Variants in MRTFB observed in about 807,000 individuals in gnomAD.
MRTFB encodes the protein myocardin related transcription factor B.
In MRTFB, 29 loss-of-function variants were observed where a neutral mutation model predicts 104.2. That is an observed-to-expected ratio of 0.28 (90% confidence interval 0.21 to 0.38). MRTFB has a LOEUF of 0.38. Among genes scored for constraint, MRTFB ranks in the 10% least tolerant of loss-of-function variants. MRTFB has a pLI of 1.00. For synonymous variants in MRTFB, 535 were observed against 519.5 expected, an observed-to-expected ratio of 1.03 and a Z score of -0.41; for missense variants, 1,270 against 1,341.6, an observed-to-expected ratio of 0.95 and a Z score of 0.83.
intron 4 of MRTFB, among the ~76,000 whole-genome samples, chr16:14,210,546 C>T (rs1222223292): frequency 6.6e-6 from 1 of 152,192 alleles, no homozygotes; most frequent in Non-Finnish European, 1.5e-5. Context: ...CACCTTTACA[C>T]TGTAATTAGG....
intron 10 of MRTFB, among the ~76,000 whole-genome samples, chr16:14,242,397 A>G (rs954668239): frequency 6.6e-6 from 1 of 152,236 alleles, no homozygotes; most frequent in African/African-American, 2.4e-5. Flanking sequence ...AGAAGGAGAA[A>G]GAACACTTAT....
the MRTFB span, among the ~76,000 whole-genome samples, chr16:14,052,781 G>A: frequency 2.7e-5 from 4 of 149,254 alleles, no homozygotes; most frequent in African/African-American, 9.8e-5. Context: ...ACAATAAATT[G>A]TTGTTAACCA....
At chr16:14,110,308 A>G (rs1411068801) in intron 2 of MRTFB, among the ~76,000 whole-genome samples, 1 of 152,220 alleles carries the variant, frequency 6.6e-6, no homozygotes, top group Admixed American at 6.5e-5. Flanking sequence ...AGTTTTTGAC[A>G]GTGCGAGTTT....
intron 3 of MRTFB, chr16:14,201,001 A>G (rs2040676555): frequency 6.9e-7 from 1 of 1,457,518 alleles, no homozygotes; most frequent in Non-Finnish European, 9.6e-7. Flanking sequence ...GCTTTGTTAC[A>G]TTGGGGAACA....
At chr16:14,066,562 C>T (rs919354806), upstream of MRTFB, among the ~76,000 whole-genome samples, 1 of 152,212 alleles carries the variant, frequency 6.6e-6, no homozygotes, top group African/African-American at 2.4e-5. Flanking sequence ...CATGAGCCAC[C>T]GTGCCCGGCC....
intron 3 of MRTFB, among the ~76,000 whole-genome samples, chr16:14,157,509 C>T (rs1431986473): frequency 1.3e-5 from 2 of 152,160 alleles, no homozygotes; most frequent in African/African-American, 4.8e-5. Flanking sequence ...TTCACAGGGC[C>T]ACCCCTTACT....
At chr16:14,171,905 A>C (rs1471027891) in intron 3 of MRTFB, among the ~76,000 whole-genome samples, 1 of 152,202 alleles carries the variant, frequency 6.6e-6, no homozygotes, top group Non-Finnish European at 1.5e-5. Context: ...TATATAGTCA[A>C]AATCTGTATT....
chr16:14,236,659 G>A (rs954891146), intron 9 of MRTFB, among the ~76,000 whole-genome samples: 1 of 152,172 alleles, frequency 6.6e-6, no homozygotes, highest in Non-Finnish European at 1.5e-5. Context: ...TCTATGGGAA[G>A]AAAATTTGAC....
At chr16:14,081,603 T>G (rs1010388321) in intron 2 of MRTFB, among the ~76,000 whole-genome samples, 4 of 151,710 alleles carry the variant, frequency 2.6e-5, no homozygotes, top group Admixed American at 1.3e-4. Context: ...TTTGTATGCT[T>G]CTTTTGAGAA....
intron 2 of MRTFB, among the ~76,000 whole-genome samples, chr16:14,085,895 C>T (rs1374524060): frequency 6.6e-6 from 1 of 152,108 alleles, no homozygotes; most frequent in African/African-American, 2.4e-5. Flanking sequence ...CATTTATTTT[C>T]CAACTCTGCT....
intron 3 of MRTFB, chr16:14,200,771 A>G: frequency 6.8e-7 from 1 of 1,471,118 alleles, no homozygotes; most frequent in Non-Finnish European, 9.5e-7. Context: ...GCTGTGGGTG[A>G]TACTTGCCTT....
rs567268098 is a variant in MRTFB, at chr16:14,080,665, A to G, written c.-64+1311A>G. On this transcript the variant is annotated intron_variant, in intron 2 of 16. Transcript: ENST00000571589. ...ACACCACCACCCCCACCTGCCCCCG[A>G]CCTTCTAACGCCTCTGGTAACCATC... 2.0e-5 allele frequency among the ~76,000 whole-genome samples: 3 copies of G among 152,054 alleles called. No homozygotes were observed. In the East Asian group the frequency reaches 5.8e-4, roughly 29 times the overall value.
intron 8 of MRTFB, among the ~76,000 whole-genome samples, chr16:14,226,582 A>T (rs2042012560): frequency 6.6e-6 from 1 of 152,218 alleles, no homozygotes; most frequent in Non-Finnish European, 1.5e-5. Context: ...AAACTCTTAG[A>T]AGAAAATGTA....
the MRTFB span, among the ~76,000 whole-genome samples, chr16:14,000,747 C>G: frequency 6.6e-6 from 1 of 152,170 alleles, no homozygotes; most frequent in African/African-American, 2.4e-5. Flanking sequence ...CTCTCTGTCC[C>G]CTTTGTCCCC....
chr16:14,243,877 T>TTTTTTTTTTTTTTTTTTTTTTTTTTTA, intron 10 of MRTFB, among the ~76,000 whole-genome samples: 1 of 147,732 alleles, frequency 6.8e-6, no homozygotes, highest in African/African-American at 2.6e-5. Context: ...TTTTTTTTTT[T>TTTTTTTTTTTTTTTTTTTTTTTTTTTA]GAGACAGAGT....
At chr16:14,186,147 GGAA>G (rs2039946065) in intron 3 of MRTFB, among the ~76,000 whole-genome samples, 1 of 152,206 alleles carries the variant, frequency 6.6e-6, no homozygotes, top group African/African-American at 2.4e-5. Flanking sequence ...AATTGCCAAA[GGAA>G]GAAAGCTGCA....
the MRTFB span, among the ~76,000 whole-genome samples, chr16:14,021,859 C>T: frequency 2.6e-4 from 39 of 152,256 alleles, no homozygotes; most frequent in Non-Finnish European, 4.7e-4. Context: ...TTTGCAGTTG[C>T]GAATCGTGCT....
At chr16:14,131,985 C>T (rs6498503) in intron 2 of MRTFB, among the ~76,000 whole-genome samples, 22,941 of 151,998 alleles carry the variant, frequency 0.15, 4,181 homozygotes, top group African/African-American at 0.44. Flanking sequence ...TGAACTCATT[C>T]CATAGCAACA....
At chr16:14,003,640 G>GCCTGCCTGCCTGCCTGCCTGCCTGCCTC in the MRTFB span, among the ~76,000 whole-genome samples, 131 of 146,780 alleles carry the variant, frequency 8.9e-4, 1 homozygote, top group African/African-American at 1.7e-3. Context: ...CTGCCTGCCT[G>GCCTGCCTGCCTGCCTGCCTGCCTGCCTC]CCTCCCTCCC....
Sources: allele counts gnomAD v4.1 joint callset (sites outside exome capture counted in the v4.1 genomes callset), GRCh38; gene constraint gnomAD v4.1.1; transcripts MANE v1.5; gene names NCBI Gene and HGNC (gene_info 2026-07-23, HGNC 2026-07-21).